UPP2: variants seen among roughly 807,000 people sequenced by gnomAD.
The protein encoded by UPP2 is UPase 2.
UPP2 carries 23 observed loss-of-function variants against 26.7 expected under a neutral mutation model. That is an observed-to-expected ratio of 0.86 (90% CI 0.62 to 1.22). UPP2 has a LOEUF of 1.22. Ranked by LOEUF, UPP2 falls within the 50% of genes most tolerant of loss-of-function variation. The pLI is 0.00. For missense variants in UPP2, 387 were observed against 396.7 expected (o/e 0.98, Z 0.21); for synonymous variants, 127 against 141.3 (o/e 0.90, Z 0.72).
At chr2:158,103,545 G>A (rs1305678564) in intron 1 of UPP2, among the ~76,000 whole-genome samples, 1 of 152,158 alleles carries the variant, frequency 6.6e-6, no homozygotes, top group Non-Finnish European at 1.5e-5. Flanking sequence ...CTAGGGTAGA[G>A]CAATGAGACT....
At chr2:157,999,415 T>A (rs971557351) in intron 2 of UPP2, among the ~76,000 whole-genome samples, 2 of 152,214 alleles carry the variant, frequency 1.3e-5, no homozygotes, top group Non-Finnish European at 2.9e-5. Context: ...TGACCTCAAG[T>A]GATCCACTCG....
At chr2:158,086,062 G>T (rs1348615588) in intron 3 of UPP2, among the ~76,000 whole-genome samples, 1 of 152,038 alleles carries the variant, frequency 6.6e-6, no homozygotes, top group Non-Finnish European at 1.5e-5. Flanking sequence ...TTGTGGAATA[G>T]TGTCAACAGG....
chr2:158,078,544 T>A (rs116037184), intron 3 of UPP2, among the ~76,000 whole-genome samples: 2,339 of 152,200 alleles, frequency 0.015, 25 homozygotes, highest in Admixed American at 0.021. Flanking sequence ...AAGACAAACA[T>A]CACACTTCAC....
intron 4 of UPP2, among the ~76,000 whole-genome samples, chr2:158,118,994 A>C (rs550156764): frequency 6.6e-6 from 1 of 152,162 alleles, no homozygotes; most frequent in African/African-American, 2.4e-5. Context: ...CATAGAGAGA[A>C]GTAGAGTGCT....
intron 3 of UPP2, among the ~76,000 whole-genome samples, chr2:158,017,158 A>G (rs1450412107): frequency 1.3e-5 from 2 of 152,244 alleles, no homozygotes; most frequent in East Asian, 1.9e-4. Context: ...TAGTTGACAC[A>G]GCAATTCCTG....
At chr2:158,070,996 A>G (rs951263806) in intron 3 of UPP2, among the ~76,000 whole-genome samples, 3 of 152,216 alleles carry the variant, frequency 2.0e-5, no homozygotes, top group East Asian at 1.9e-4. Context: ...CCTTAGCCGG[A>G]GGGGGATCAT....
intron 3 of UPP2, among the ~76,000 whole-genome samples, chr2:158,034,382 T>C (rs1480407000): frequency 1.3e-5 from 2 of 152,110 alleles, no homozygotes; most frequent in Non-Finnish European, 2.9e-5. Context: ...ACCTCACACA[T>C]AGGGCAAAGG....
At chr2:158,129,120 G>T (rs1357191786) in intron 6 of UPP2, among the ~76,000 whole-genome samples, 2 of 151,740 alleles carry the variant, frequency 1.3e-5, no homozygotes, top group Non-Finnish European at 2.9e-5. Context: ...CCTTCCCACT[G>T]CCAACAACTC....
chr2:158,069,767 G>A (rs1442895617), intron 3 of UPP2, among the ~76,000 whole-genome samples: 1 of 152,154 alleles, frequency 6.6e-6, no homozygotes, highest in Non-Finnish European at 1.5e-5. Context: ...ACTTGTTCAG[G>A]CTGTTACATC....
At chr2:158,082,446 T>C (rs968899904) in intron 3 of UPP2, among the ~76,000 whole-genome samples, 1 of 152,292 alleles carries the variant, frequency 6.6e-6, no homozygotes, top group East Asian at 1.9e-4. Context: ...TGAATGAGAA[T>C]ATACAATGTG....
At chr2:158,060,727 C>G (rs1188957229) in intron 3 of UPP2, among the ~76,000 whole-genome samples, 1 of 151,882 alleles carries the variant, frequency 6.6e-6, no homozygotes, top group East Asian at 1.9e-4. Context: ...AGGGTAGGGC[C>G]CCATAATGAG....
chr2:158,063,300 A>G (rs967482510), intron 3 of UPP2, among the ~76,000 whole-genome samples: 4 of 152,244 alleles, frequency 2.6e-5, no homozygotes, highest in Non-Finnish European at 5.9e-5. Context: ...TATAGGCTAC[A>G]CAACAGCAGG....
chr2:158,066,888 A>G (rs1682444666), intron 3 of UPP2, among the ~76,000 whole-genome samples: 1 of 152,214 alleles, frequency 6.6e-6, no homozygotes, highest in African/African-American at 2.4e-5. Context: ...TGTCTTGTGC[A>G]GAGCATGTGG....
chr2:158,052,262 G>A (rs1682171572), intron 3 of UPP2, among the ~76,000 whole-genome samples: 2 of 152,166 alleles, frequency 1.3e-5, no homozygotes, highest in African/African-American at 4.8e-5. Context: ...CCAACAATGA[G>A]TCTAAGGTCC....
At chr2:158,003,715 A>T (rs898690424) in intron 2 of UPP2, among the ~76,000 whole-genome samples, 26 of 16,010 alleles carry the variant, frequency 1.6e-3, no homozygotes, top group South Asian at 2.6e-3. Flanking sequence ...CTCAAAAAAT[A>T]AAAAAAAAAA....
At chr2:158,080,772 G>A (rs1682712417) in intron 3 of UPP2, among the ~76,000 whole-genome samples, 1 of 152,086 alleles carries the variant, frequency 6.6e-6, no homozygotes, top group Non-Finnish European at 1.5e-5. Context: ...TCATTAGTGT[G>A]GGAATGAAGA....
intron 3 of UPP2, among the ~76,000 whole-genome samples, chr2:158,077,995 A>C (rs1682657350): frequency 6.6e-6 from 1 of 152,172 alleles, no homozygotes; most frequent in Non-Finnish European, 1.5e-5. Flanking sequence ...ATTTCGCAAA[A>C]GAAGAGATAC....
At chr2:158,065,651 G>T in intron 3 of UPP2, 1 of 577,374 alleles carries the variant, frequency 1.7e-6, no homozygotes. Flanking sequence ...ATTCGTAGAG[G>T]AACTTAAGAA....
At chr2:158,074,681 A>G (rs1248814412) in intron 3 of UPP2, among the ~76,000 whole-genome samples, 1 of 142,758 alleles carries the variant, frequency 7.0e-6, no homozygotes, top group Non-Finnish European at 1.5e-5. Context: ...AAGGAATAGA[A>G]GACCTTCATA....
Sources: gnomAD v4.1 joint callset for allele counts (sites outside exome capture counted in the v4.1 genomes callset) on GRCh38, gnomAD v4.1.1 for gene constraint, MANE v1.5 for transcripts, NCBI Gene and HGNC (gene_info 2026-07-23, HGNC 2026-07-21) for gene names.